The following SFRP1 variants were observed in gnomAD, a reference collection of about 807,000 sequenced individuals.
SFRP1 encodes secreted frizzled-related protein 1.
Under a neutral mutation model 25.9 loss-of-function variants are expected in SFRP1, and 9 were observed. That is an observed-to-expected ratio of 0.35 (90% CI 0.21 to 0.61). The LOEUF is 0.61. Ranked by LOEUF, SFRP1 falls within the 20% of genes least tolerant of loss-of-function variation. The probability of loss-of-function intolerance (pLI) is 0.78; values close to 1 mark genes in which losing one functional copy is unlikely to be tolerated. For synonymous variants in SFRP1, 178 were observed against 174.0 expected, an observed-to-expected ratio of 1.02 and a Z score of -0.18; for missense variants, 346 against 418.2, an observed-to-expected ratio of 0.83 and a Z score of 1.51.
chr8:41,284,409 T>G (rs1803673357), intron 2 of SFRP1, among the ~76,000 whole-genome samples: 2 of 141,826 alleles, frequency 1.4e-5, no homozygotes, highest in Non-Finnish European at 3.1e-5. Context: ...CCCTCCCACA[T>G]TGCTGGAGGG....
intron 2 of SFRP1, among the ~76,000 whole-genome samples, chr8:41,289,397 T>C (rs1803748504): frequency 6.6e-6 from 1 of 152,226 alleles, no homozygotes; most frequent in African/African-American, 2.4e-5. Context: ...GAATCTGTGT[T>C]ATTTTTTTCT....
intron 2 of SFRP1, chr8:41,298,147 A>G (rs776173263): frequency 2.6e-5 from 4 of 152,180 alleles, no homozygotes; most frequent in Non-Finnish European, 5.9e-5. Context: ...TTACAATGGC[A>G]AAGTGGTACA....
chr8:41,283,165 T>C (rs549464332), intron 2 of SFRP1, among the ~76,000 whole-genome samples: 13 of 152,372 alleles, frequency 8.5e-5, no homozygotes, highest in African/African-American at 2.9e-4. Flanking sequence ...TTCAGGTCAG[T>C]CATGTCCTTG....
intron 2 of SFRP1, chr8:41,275,300 C>G: frequency 3.0e-6 from 1 of 333,848 alleles, no homozygotes; most frequent in Non-Finnish European, 5.8e-6. Context: ...ACGGGGCAAG[C>G]AGTTGGATCC....
intron 2 of SFRP1, among the ~76,000 whole-genome samples, chr8:41,284,372 G>T (rs1803672098): frequency 4.6e-4 from 1 of 2,188 alleles, no homozygotes; most frequent in South Asian, 0.016. Flanking sequence ...CACATTGCTG[G>T]AGGGCCCCCT....
chr8:41,284,325 C>T (rs1196191520), intron 2 of SFRP1, among the ~76,000 whole-genome samples: 2 of 152,124 alleles, frequency 1.3e-5, no homozygotes, highest in African/African-American at 2.4e-5. Flanking sequence ...GGCTGGGACA[C>T]ACCAGGGCCC....
intron 2 of SFRP1, among the ~76,000 whole-genome samples, chr8:41,278,782 T>C (rs886869031): frequency 1.3e-5 from 2 of 152,210 alleles, no homozygotes; most frequent in East Asian, 1.9e-4. Flanking sequence ...CTTCATGCCA[T>C]CCCATGTGAC....
At chr8:41,276,214 G>A (rs1429642207) in intron 2 of SFRP1, among the ~76,000 whole-genome samples, 1 of 152,206 alleles carries the variant, frequency 6.6e-6, no homozygotes, top group Admixed American at 6.5e-5. Context: ...TGAAGACAGA[G>A]CACTGGTTTC....
At chr8:41,286,278 G>A (rs1369998477) in intron 2 of SFRP1, among the ~76,000 whole-genome samples, 3 of 152,352 alleles carry the variant, frequency 2.0e-5, no homozygotes, top group South Asian at 2.1e-4. Flanking sequence ...GCAAAGAGCT[G>A]TCAGTCACAG....
chr8:41,303,315 T>C, intron 2 of SFRP1, 146 bp downstream of exon 2: 1 of 665,514 alleles, frequency 1.5e-6, no homozygotes, highest in Non-Finnish European at 2.7e-6. Flanking sequence ...GTCTCCCATC[T>C]GCCTGAGAAA....
rs146351137 is a variant in SFRP1, at chr8:41,309,061, C to T, written c.99G>A (p.Glu33=). The T allele has an allele frequency of 3.8e-5, 61 of 1,602,300 alleles. No homozygotes were observed. The highest frequency in any genetic ancestry group is 1.6e-4 in the Middle Eastern group (1 of 6,064). Residue 33 remains glutamate, a synonymous_variant, in exon 1 of 3, where the codon GAG becomes GAA. Coordinates refer to ENST00000220772, the MANE Select transcript of SFRP1 (RefSeq NM_003012.5). Reference sequence around the variant, plus strand: ...CCGACTGGAAGCTCACGTAGTCGTACTCGCTGGCCGAGCCCACGGCCAGAA... The same window carrying T: ...CCGACTGGAAGCTCACGTAGTCGTATTCGCTGGCCGAGCCCACGGCCAGAA... ...AALLAVGSAS[E]YDYVSFQSDI...
At chr8:41,278,071 T>C (rs1254266531) in intron 2 of SFRP1, among the ~76,000 whole-genome samples, 1 of 152,170 alleles carries the variant, frequency 6.6e-6, no homozygotes, top group Admixed American at 6.5e-5. Context: ...AAGGACTCTT[T>C]CTTGGATGAC....
intron 2 of SFRP1, among the ~76,000 whole-genome samples, chr8:41,279,787 A>AAC (rs1478541802): frequency 1.3e-5 from 2 of 151,928 alleles, no homozygotes; most frequent in African/African-American, 4.8e-5. Flanking sequence ...AAAAAAAAAA[A>AAC]AAACCTATGT....
intron 2 of SFRP1, among the ~76,000 whole-genome samples, chr8:41,300,956 A>G (rs1322549223): frequency 6.6e-6 from 1 of 152,154 alleles, no homozygotes; most frequent in Non-Finnish European, 1.5e-5. Context: ...TGGGGAAAAA[A>G]TGTGCCCTGA....
intron 2 of SFRP1, among the ~76,000 whole-genome samples, chr8:41,300,371 A>ATCCTTT (rs1462103587): frequency 6.6e-6 from 1 of 152,232 alleles, no homozygotes; most frequent in African/African-American, 2.4e-5. Flanking sequence ...GGGCAAAGAA[A>ATCCTTT]TCCTTTTCCA....
At chr8:41,271,571 G>A (rs777804870) in intron 2 of SFRP1, 3 of 160,586 alleles carry the variant, frequency 1.9e-5, no homozygotes, top group Non-Finnish European at 2.8e-5. Flanking sequence ...GTTAGACTAA[G>A]TGAGCTTCCC....
chr8:41,298,467 T>A (rs1803871203), intron 2 of SFRP1, among the ~76,000 whole-genome samples: 1 of 152,104 alleles, frequency 6.6e-6, no homozygotes, highest in Admixed American at 6.5e-5. Flanking sequence ...AGTACAGTGG[T>A]GTGATCATGG....
At chr8:41,283,619 C>G (rs1163189352) in intron 2 of SFRP1, among the ~76,000 whole-genome samples, 1 of 149,426 alleles carries the variant, frequency 6.7e-6, no homozygotes, top group Non-Finnish European at 1.5e-5. Context: ...CTCTCTGTCA[C>G]CCAGGCTGGA....
rs544604044 is a variant in SFRP1 at position 41,293,863 on chromosome 8, C to T, written c.622+9598G>A. Among the ~76,000 whole-genome samples, 6 of 152,116 alleles carry T rather than the reference C, an allele frequency of 3.9e-5. No individual in the cohort carries two copies. In the South Asian group the frequency reaches 1.2e-3, roughly 32 times the overall value. ...ACACAGCTCACTGCAGCCTCGACCT[C>T]GCGGGCTCAGACGCACATCCCACCA... On this transcript the variant is annotated intron_variant, in intron 2 of 2. Coordinates refer to ENST00000220772, the MANE Select transcript of SFRP1 (RefSeq NM_003012.5).
Sources: allele counts gnomAD v4.1 joint callset (sites outside exome capture counted in the v4.1 genomes callset), GRCh38; gene constraint gnomAD v4.1.1; transcripts MANE v1.5; gene names NCBI Gene and HGNC (gene_info 2026-07-23, HGNC 2026-07-21).